Variants in CCDC60 observed in about 807,000 individuals in gnomAD.
CCDC60 encodes coiled-coil domain containing 60.
Under a neutral mutation model 63.5 loss-of-function variants are expected in CCDC60, and 54 were observed. The observed-to-expected ratio is 0.85, with a 90% confidence interval of 0.68 to 1.07. The LOEUF (loss-of-function observed/expected upper bound fraction) is 1.07. Among genes scored for constraint, CCDC60 ranks in the 50% least tolerant of loss-of-function variants. The pLI is 0.00. For missense variants in CCDC60, 651 were observed against 684.3 expected (o/e 0.95, Z 0.54); for synonymous variants, 206 against 238.8 (o/e 0.86, Z 1.27).
chr12:119,485,996 CA>C (rs1951432275), intron 4 of CCDC60, among the ~76,000 whole-genome samples: 1 of 152,120 alleles, frequency 6.6e-6, no homozygotes, highest in African/African-American at 2.4e-5. Context: ...CCACATATCC[CA>C]AAGCCCAGGC....
At chr12:119,502,001 AC>A (rs1951865141) in intron 6 of CCDC60, among the ~76,000 whole-genome samples, 1 of 152,108 alleles carries the variant, frequency 6.6e-6, no homozygotes, top group African/African-American at 2.4e-5. Context: ...AGGGAATCCA[AC>A]CAGCTCCCAC....
intron 10 of CCDC60, 134 bp from the exon 11 acceptor site, chr12:119,523,559 C>T (rs1370762773): frequency 5.0e-6 from 6 of 1,211,562 alleles, no homozygotes; most frequent in Non-Finnish European, 6.8e-6. Context: ...CAGGTGAGGG[C>T]AGAGAACCCA....
intron 2 of CCDC60, among the ~76,000 whole-genome samples, chr12:119,468,109 C>T (rs1000362315): frequency 4.0e-5 from 6 of 151,752 alleles, no homozygotes; most frequent in Non-Finnish European, 8.8e-5. Flanking sequence ...CTCGTCTCTA[C>T]TAAAAATAAA....
At chr12:119,493,652 G>A (rs1310313489) in intron 5 of CCDC60, among the ~76,000 whole-genome samples, 1 of 152,078 alleles carries the variant, frequency 6.6e-6, no homozygotes, top group African/African-American at 2.4e-5. Context: ...TATTTCAATT[G>A]ACAAGATGAT....
chr12:119,484,628 G>C (rs752094141), intron 4 of CCDC60, among the ~76,000 whole-genome samples: 1 of 152,052 alleles, frequency 6.6e-6, no homozygotes, highest in African/African-American at 2.4e-5. Context: ...TAGGAGGATC[G>C]CTTGTGCCCA....
chr12:119,537,887 G>A (rs893618802), intron 13 of CCDC60, among the ~76,000 whole-genome samples: 5 of 152,246 alleles, frequency 3.3e-5, no homozygotes, highest in African/African-American at 7.2e-5. Flanking sequence ...ACCCACTTGA[G>A]GAGGCAGTCT....
At chr12:119,418,924 A>C (rs1956759830) in intron 1 of CCDC60, among the ~76,000 whole-genome samples, 1 of 152,214 alleles carries the variant, frequency 6.6e-6, no homozygotes, top group Non-Finnish European at 1.5e-5. Flanking sequence ...CTTCTCTCCA[A>C]GAAAGAACTT....
At chr12:119,389,616 G>T (rs1427050622) in intron 1 of CCDC60, among the ~76,000 whole-genome samples, 1 of 152,044 alleles carries the variant, frequency 6.6e-6, no homozygotes, top group Non-Finnish European at 1.5e-5. Flanking sequence ...TGCTCACAAA[G>T]CTGTAACATA....
intron 9 of CCDC60, 135 bp downstream of exon 9, chr12:119,520,327 A>C (rs1952490274): frequency 1.4e-6 from 1 of 693,060 alleles, no homozygotes; most frequent in African/African-American, 1.8e-5. Context: ...TTATGACCTC[A>C]CTAGAAACAA....
intron 1 of CCDC60, among the ~76,000 whole-genome samples, chr12:119,358,170 AT>A (rs1437716726): frequency 6.6e-6 from 1 of 152,150 alleles, no homozygotes; most frequent in African/African-American, 2.4e-5. Context: ...AACACTGGGG[AT>A]TACAATTCAA....
chr12:119,356,844 A>G (rs889504529), intron 1 of CCDC60, among the ~76,000 whole-genome samples: 4 of 152,208 alleles, frequency 2.6e-5, no homozygotes, highest in African/African-American at 4.8e-5. Flanking sequence ...GTTCTTTTCC[A>G]CTAGTAGAAT....
chr12:119,365,324 A>T (rs889334981), intron 1 of CCDC60, among the ~76,000 whole-genome samples: 38 of 152,246 alleles, frequency 2.5e-4, no homozygotes, highest in African/African-American at 9.2e-4. Flanking sequence ...AACACTAAAA[A>T]AAAGTTCTAT....
At chr12:119,387,034 T>TCA (rs1555233707) in intron 1 of CCDC60, among the ~76,000 whole-genome samples, 1,430 of 105,370 alleles carry the variant, frequency 0.014, 42 homozygotes, top group Middle Eastern at 0.025. Flanking sequence ...TCTGTCTCTC[T>TCA]CACACACACA....
chr12:119,404,434 T>TC (rs1294656272), intron 1 of CCDC60, among the ~76,000 whole-genome samples: 2 of 151,682 alleles, frequency 1.3e-5, no homozygotes, highest in South Asian at 2.1e-4. Context: ...TCTGCCTACC[T>TC]CCCCCCCACC....
chr12:119,454,418 C>G (rs1950688558), intron 2 of CCDC60, among the ~76,000 whole-genome samples: 1 of 152,130 alleles, frequency 6.6e-6, no homozygotes, highest in South Asian at 2.1e-4. Flanking sequence ...TAAGTGCCAC[C>G]ACCCCCTCCT....
intron 2 of CCDC60, among the ~76,000 whole-genome samples, chr12:119,466,665 A>G (rs1950958931): frequency 6.6e-6 from 1 of 151,980 alleles, no homozygotes; most frequent in South Asian, 2.1e-4. Flanking sequence ...TGGAACCACT[A>G]CCTCACCCCC....
intron 1 of CCDC60, among the ~76,000 whole-genome samples, chr12:119,394,430 G>A (rs1194662461): frequency 1.3e-5 from 2 of 152,144 alleles, no homozygotes; most frequent in Admixed American, 6.5e-5. Flanking sequence ...CATGCTTAGC[G>A]TCCACCCACC....
At chr12:119,473,324 A>G (rs1951104255) in intron 3 of CCDC60, among the ~76,000 whole-genome samples, 1 of 152,248 alleles carries the variant, frequency 6.6e-6, no homozygotes, top group Non-Finnish European at 1.5e-5. Flanking sequence ...CTGCAGCTGT[A>G]GCCACTCTCC....
At chr12:119,406,815 A>C (rs1200747008) in intron 1 of CCDC60, among the ~76,000 whole-genome samples, 1 of 152,178 alleles carries the variant, frequency 6.6e-6, no homozygotes, top group Non-Finnish European at 1.5e-5. Context: ...GGCTGAAGCC[A>C]GAGCACCAGA....
Sources: gnomAD v4.1 joint callset for allele counts (sites outside exome capture counted in the v4.1 genomes callset) on GRCh38, gnomAD v4.1.1 for gene constraint, MANE v1.5 for transcripts, NCBI Gene and HGNC (gene_info 2026-07-23, HGNC 2026-07-21) for gene names.